Variants in ZNF532 observed in about 807,000 individuals in gnomAD.
ZNF532 encodes the protein zinc finger protein 532.
ZNF532 carries 22 observed loss-of-function variants against 89.3 expected under a neutral mutation model. The observed-to-expected ratio is 0.25, with a 90% CI of 0.18 to 0.35. ZNF532 has a LOEUF of 0.35. ZNF532 is among the 10% of genes least tolerant of loss of function. The pLI is 1.00. For missense variants in ZNF532, 1,132 were observed against 1,643.4 expected (o/e 0.69, Z 5.38); for synonymous variants, 606 against 649.6 (o/e 0.93, Z 1.02).
rs543806897 is a variant in ZNF532, at chr18:58,928,408, A to G, written c.2347-6025A>G. Among the ~76,000 whole-genome samples, 191 of 152,266 alleles carry G rather than the reference A, an allele frequency of 1.3e-3. 1 individual carries two copies. Among genetic ancestry groups the G allele is most frequent in the African/African-American group, 4.5e-3 (187 of 41,558 alleles). On this transcript the variant is annotated intron_variant, in intron 3 of 9. Coordinates refer to ENST00000591808, the MANE Select transcript of ZNF532 (RefSeq NM_001375912.1). ...ACTCAGAAGCACCACTTCCTTATGA[A>G]CTGGTCTATGCTCAGTGACCCCCAA... is the stretch of plus-strand genomic sequence containing the variant.
chr18:58,888,476 G>C (rs985705217), intron 2 of ZNF532, among the ~76,000 whole-genome samples: 2 of 151,246 alleles, frequency 1.3e-5, no homozygotes, highest in Non-Finnish European at 2.9e-5. Context: ...AGGAGGTCAA[G>C]AGCAGCCTGG....
intron 3 of ZNF532, among the ~76,000 whole-genome samples, chr18:58,928,060 T>A (rs2061667991): frequency 6.6e-6 from 1 of 152,214 alleles, no homozygotes; most frequent in Admixed American, 6.5e-5. Flanking sequence ...TTTTTATCTT[T>A]CTTTTTATAT....
chr18:58,917,458 C>G (rs2060683577), intron 2 of ZNF532, among the ~76,000 whole-genome samples: 1 of 152,154 alleles, frequency 6.6e-6, no homozygotes, highest in Admixed American at 6.5e-5. Flanking sequence ...CAGAACATGC[C>G]CCCTGCAGTG....
Position 58,979,150 on chromosome 18 carries a change from G to A in ZNF532, c.3246G>A (p.Arg1082=), listed in dbSNP as rs764619208. Residue 1082 remains arginine, a synonymous_variant, in exon 8 of 10, where the codon AGG becomes AGA. Coordinates refer to ENST00000591808, the MANE Select transcript of ZNF532 (RefSeq NM_001375912.1). The stretch of plus-strand genomic sequence containing the variant: ...ACCGGATCAAGCACAAAGGCATCAG[G>A]AAAGTGTACGCCTGCTCGTAAGTCC... The part of the protein sequence containing the change: ...RHNRIKHKGI[R]KVYACSHCPD... The A allele has an allele frequency of 2.5e-6, 4 of 1,613,176 alleles. No homozygotes were observed. In the South Asian group the frequency reaches 3.3e-5, roughly 13 times the overall value.
intron 7 of ZNF532, among the ~76,000 whole-genome samples, chr18:58,959,354 C>T (rs2065127525): frequency 6.7e-6 from 1 of 148,654 alleles, no homozygotes; most frequent in Non-Finnish European, 1.5e-5. Context: ...CTCACTGCAA[C>T]CTCCGCCTCC....
intron 2 of ZNF532, among the ~76,000 whole-genome samples, chr18:58,908,419 G>A (rs760175464): frequency 4.5e-5 from 4 of 88,306 alleles, no homozygotes; most frequent in Non-Finnish European, 1.0e-4. Context: ...AGTGTAGATC[G>A]GTAAGTTGTT....
chr18:58,911,800 G>A (rs761923536), intron 2 of ZNF532, among the ~76,000 whole-genome samples: 28 of 152,196 alleles, frequency 1.8e-4, no homozygotes, highest in Non-Finnish European at 4.0e-4. Flanking sequence ...CTACAGGCAC[G>A]CCCTCAATTT....
chr18:58,964,913 TTTA>T (rs1216860447), intron 7 of ZNF532, among the ~76,000 whole-genome samples: 7 of 150,288 alleles, frequency 4.7e-5, no homozygotes, highest in Admixed American at 6.6e-5. Flanking sequence ...GGCCTATAAT[TTTA>T]TTATATTCTA....
chr18:58,886,819 G>A (rs1396742337), intron 2 of ZNF532, among the ~76,000 whole-genome samples: 1 of 152,178 alleles, frequency 6.6e-6, no homozygotes, highest in East Asian at 1.9e-4. Flanking sequence ...TAGAGGCCTT[G>A]CCCATTTTTC....
At chr18:58,869,286 C>A (rs529361044) in intron 2 of ZNF532, among the ~76,000 whole-genome samples, 1 of 152,114 alleles carries the variant, frequency 6.6e-6, no homozygotes, top group African/African-American at 2.4e-5. Context: ...AGAAAGAGAT[C>A]GTAGTGAACA....
At chr18:58,922,189 A>G (rs939958813) in intron 3 of ZNF532, among the ~76,000 whole-genome samples, 1 of 152,014 alleles carries the variant, frequency 6.6e-6, no homozygotes, top group Non-Finnish European at 1.5e-5. Flanking sequence ...AAACATCTCT[A>G]TAAAGATTTA....
intron 8 of ZNF532, 70 bp from the exon 9 acceptor site, chr18:58,981,400 G>T: frequency 1.3e-6 from 2 of 1,559,214 alleles, no homozygotes; most frequent in South Asian, 2.5e-5. Flanking sequence ...GAGGACCTTC[G>T]ACCGTGAGTT....
intron 2 of ZNF532, among the ~76,000 whole-genome samples, chr18:58,915,545 C>G (rs1289610548): frequency 6.6e-6 from 1 of 152,194 alleles, no homozygotes; most frequent in Non-Finnish European, 1.5e-5. Flanking sequence ...GATCCTAACT[C>G]TGCTTTAGCT....
intron 2 of ZNF532, among the ~76,000 whole-genome samples, chr18:58,903,851 A>G (rs2059754194): frequency 1.3e-5 from 2 of 152,240 alleles, no homozygotes. Flanking sequence ...TAGTGAATAC[A>G]GTTTTAAAAA....
intron 7 of ZNF532, among the ~76,000 whole-genome samples, chr18:58,959,259 T>TG (rs1491150871): frequency 8.4e-5 from 12 of 143,382 alleles, no homozygotes; most frequent in African/African-American, 3.4e-4. Context: ...TTTTGTTTTT[T>TG]GTTTTTTTTT....
chr18:58,957,436 GAAATA>G (rs2064906640), intron 7 of ZNF532, among the ~76,000 whole-genome samples: 3 of 118,854 alleles, frequency 2.5e-5, no homozygotes, highest in African/African-American at 9.3e-5. Context: ...TATATATATA[GAAATA>G]AAATAACTTG....
intron 8 of ZNF532, 57 bp from the exon 9 acceptor site, chr18:58,981,413 T>C: frequency 6.3e-7 from 1 of 1,584,306 alleles, no homozygotes. Context: ...CGTGAGTTCT[T>C]CCACAGGAGC....
intron 2 of ZNF532, among the ~76,000 whole-genome samples, chr18:58,887,164 A>G (rs897844223): frequency 6.6e-6 from 1 of 151,876 alleles, no homozygotes; most frequent in South Asian, 2.1e-4. Context: ...TCCGCAACAC[A>G]GTTGCGTAGG....
intron 7 of ZNF532, among the ~76,000 whole-genome samples, chr18:58,968,567 A>G (rs2066151000): frequency 6.6e-6 from 1 of 152,080 alleles, no homozygotes; most frequent in South Asian, 2.1e-4. Context: ...TCCTCTCTCA[A>G]TCTCAAGTCC....
Sources: allele counts gnomAD v4.1 joint callset (sites outside exome capture counted in the v4.1 genomes callset), GRCh38; gene constraint gnomAD v4.1.1; transcripts MANE v1.5; gene names NCBI Gene and HGNC (gene_info 2026-07-23, HGNC 2026-07-21).